ABHD2: variants seen among roughly 807,000 people sequenced by gnomAD.
ABHD2 encodes the protein monoacylglycerol lipase ABHD2.
ABHD2 carries 20 observed loss-of-function variants against 48.1 expected under a neutral mutation model. The observed-to-expected ratio is 0.42, with a 90% CI of 0.29 to 0.60. ABHD2 has a LOEUF of 0.60. Among genes scored for constraint, ABHD2 ranks in the 20% least tolerant of loss-of-function variants. The pLI is 0.24. For missense variants in ABHD2, 405 were observed against 550.9 expected (o/e 0.74, Z 2.65); for synonymous variants, 209 against 214.2 (o/e 0.98, Z 0.21).
the ABHD2 span, among the ~76,000 whole-genome samples, chr15:89,081,148 C>T: frequency 8.7e-5 from 13 of 150,226 alleles, no homozygotes; most frequent in Non-Finnish European, 1.5e-4. Flanking sequence ...TACAGGAGCA[C>T]GCCACCATGC....
intron 6 of ABHD2, among the ~76,000 whole-genome samples, chr15:89,178,589 G>A (rs181143122): frequency 2.0e-5 from 3 of 152,332 alleles, no homozygotes; most frequent in African/African-American, 7.2e-5. Flanking sequence ...TGAAGGCTCA[G>A]AGAGAAGCCA....
rs936258009 is a variant in ABHD2 at position 89,193,325 on chromosome 15, T to C, written c.1081+6T>C. The stretch of plus-strand genomic sequence containing the variant: ...CATTCCAAAATCTCTTTCAGGTAAG[T>C]GTTTCTTCCTGCTGCCCTCTCAACA... On this transcript the variant is annotated splice_donor_region_variant and intron_variant, in intron 10 of 10. Transcript: ENST00000352732. The C allele has an allele frequency of 1.2e-6, 2 of 1,610,454 alleles. No individual in the cohort carries two copies. Among genetic ancestry groups the C allele is most frequent in the Admixed American group, 1.7e-5 (1 of 60,030 alleles).
At chr15:89,150,480 C>T (rs1314584355) in intron 3 of ABHD2, among the ~76,000 whole-genome samples, 1 of 152,160 alleles carries the variant, frequency 6.6e-6, no homozygotes, top group Admixed American at 6.5e-5. Flanking sequence ...TGTGGTGTTA[C>T]GCTGGCAAGT....
the ABHD2 span, among the ~76,000 whole-genome samples, chr15:89,060,918 G>A: frequency 1.8e-4 from 27 of 151,972 alleles, no homozygotes; most frequent in Non-Finnish European, 3.4e-4. Context: ...AAAAAATAAT[G>A]AAATCATGTC....
chr15:89,048,362 GA>G, the ABHD2 span, among the ~76,000 whole-genome samples: 3 of 151,942 alleles, frequency 2.0e-5, no homozygotes, highest in South Asian at 6.2e-4. Context: ...TGGTGAATCT[GA>G]CAATTATGTG....
chr15:89,164,088 G>A lies in ABHD2; in HGVS notation c.538+8554G>A, dbSNP rs1157655861. 6.6e-6 allele frequency among the ~76,000 whole-genome samples: 1 copy of A among 152,166 alleles called. No homozygotes were observed. The highest frequency in any genetic ancestry group is 1.5e-5 in the Non-Finnish European group (1 of 68,026). ...CCACAGAATTGGACCTGTGGGTTTG[G>A]TCTTTGATCTTTTGTTCAGCCAGCA... is the stretch of plus-strand genomic sequence containing the variant. On this transcript the variant is annotated intron_variant, in intron 5 of 10. Transcript: ENST00000352732. The surrounding 1 kb of genome is among the most constrained non-coding windows in gnomAD (Gnocchi z 5.0).
chr15:89,071,585 C>T, the ABHD2 span, among the ~76,000 whole-genome samples: 1 of 152,182 alleles, frequency 6.6e-6, no homozygotes, highest in Non-Finnish European at 1.5e-5. Context: ...CACCTGGTAA[C>T]CTGCATTTAA....
At chr15:89,098,805 T>A (rs1249091144) in intron 1 of ABHD2, among the ~76,000 whole-genome samples, 2 of 152,212 alleles carry the variant, frequency 1.3e-5, no homozygotes, top group Non-Finnish European at 2.9e-5. Context: ...ACATATAAAT[T>A]CTGGATGTTG....
chr15:89,109,795 G>A (rs1184176977), intron 1 of ABHD2, among the ~76,000 whole-genome samples: 2 of 152,022 alleles, frequency 1.3e-5, no homozygotes, highest in South Asian at 2.1e-4. Context: ...GTATATGCAC[G>A]TACATGCACA....
the ABHD2 span, among the ~76,000 whole-genome samples, chr15:89,045,643 T>C: frequency 6.6e-6 from 1 of 152,200 alleles, no homozygotes; most frequent in Admixed American, 6.5e-5. Flanking sequence ...TTCCTAGGTA[T>C]TTTATTCTCT....
At chr15:89,118,739 T>TTGTAAGGTTTGATTCCATACTAATTGTA (rs2150819603) in intron 3 of ABHD2, among the ~76,000 whole-genome samples, 1 of 152,328 alleles carries the variant, frequency 6.6e-6, no homozygotes, top group East Asian at 1.9e-4. Flanking sequence ...AAAAACATCA[T>TTGTAAGGTTTGATTCCATACTAATTGTA]GTAAGGTTTG....
At chr15:89,119,237 C>T (rs1168051919) in intron 3 of ABHD2, among the ~76,000 whole-genome samples, 1 of 152,218 alleles carries the variant, frequency 6.6e-6, no homozygotes, top group Non-Finnish European at 1.5e-5. Context: ...GACCAGCCCT[C>T]TTAGAGCATG....
At chr15:89,107,998 C>T (rs1245451976) in intron 1 of ABHD2, among the ~76,000 whole-genome samples, 1 of 152,186 alleles carries the variant, frequency 6.6e-6, no homozygotes, top group Non-Finnish European at 1.5e-5. Context: ...TATTTATTCA[C>T]AGAATGCAAT....
At chr15:89,108,989 G>A (rs2049830953) in intron 1 of ABHD2, among the ~76,000 whole-genome samples, 1 of 152,194 alleles carries the variant, frequency 6.6e-6, no homozygotes, top group Non-Finnish European at 1.5e-5. Context: ...TTTTACAGAT[G>A]GGGCCTTTAG....
chr15:89,132,305 G>A (rs1200297016), intron 3 of ABHD2, among the ~76,000 whole-genome samples: 4 of 152,142 alleles, frequency 2.6e-5, no homozygotes, highest in African/African-American at 9.7e-5. Flanking sequence ...GGGACAAATT[G>A]AATTATGTAA....
chr15:89,056,192 G>T, the ABHD2 span, among the ~76,000 whole-genome samples: 1 of 151,998 alleles, frequency 6.6e-6, no homozygotes, highest in Non-Finnish European at 1.5e-5. Context: ...AATGGAGGTG[G>T]GAATCCCTCT....
intron 3 of ABHD2, chr15:89,135,851 AACAGAACAGAACAGG>A: frequency 1.1e-5 from 8 of 728,914 alleles, no homozygotes; most frequent in Admixed American, 1.9e-5. Context: ...CGATACTCAG[AACAGAACAGAACAGG>A]ACAGAACAGA....
At chr15:89,110,158 C>T (rs532467921) in intron 1 of ABHD2, among the ~76,000 whole-genome samples, 39 of 152,192 alleles carry the variant, frequency 2.6e-4, no homozygotes, top group African/African-American at 9.2e-4. Flanking sequence ...GCAACCTCCA[C>T]CTCTCAGGTT....
the ABHD2 span, among the ~76,000 whole-genome samples, chr15:89,053,212 C>T: frequency 2.4e-4 from 37 of 152,060 alleles, no homozygotes; most frequent in Admixed American, 2.3e-3. Flanking sequence ...GTGATCCGCC[C>T]ACCTCAACCT....
Sources: allele counts gnomAD v4.1 joint callset (sites outside exome capture counted in the v4.1 genomes callset), GRCh38; gene constraint gnomAD v4.1.1; non-coding constraint Gnocchi (gnomAD v3.1); transcripts MANE v1.5; gene names NCBI Gene and HGNC (gene_info 2026-07-23, HGNC 2026-07-21).